The following AUTS2 variants were observed in gnomAD, a reference collection of about 807,000 sequenced individuals.
AUTS2 encodes activator of transcription and developmental regulator AUTS2, also known as autism susceptibility gene 2 protein.
AUTS2 carries 17 observed loss-of-function variants against 112.4 expected under a neutral mutation model. The observed-to-expected ratio is 0.15, with a 90% CI of 0.10 to 0.23. The LOEUF (loss-of-function observed/expected upper bound fraction) is 0.23. AUTS2 is among the 10% of genes least tolerant of loss of function. The pLI is 1.00. For synonymous variants in AUTS2, 751 were observed against 702.7 expected, an observed-to-expected ratio of 1.07 and a Z score of -1.09; for missense variants, 1,510 against 1,701.6, an observed-to-expected ratio of 0.89 and a Z score of 1.98.
chr7:70,753,564 G>C (rs188269166), intron 6 of AUTS2, among the ~76,000 whole-genome samples: 1 of 152,104 alleles, frequency 6.6e-6, no homozygotes, highest in South Asian at 2.1e-4. Flanking sequence ...CCTTCCATTC[G>C]TTCAAGTAAT....
chr7:70,679,596 C>A (rs188887052), intron 5 of AUTS2, among the ~76,000 whole-genome samples: 7 of 133,102 alleles, frequency 5.3e-5, no homozygotes, highest in East Asian at 6.4e-4. Context: ...GCCAAACTTT[C>A]ATGTTAAAAA....
intron 5 of AUTS2, among the ~76,000 whole-genome samples, chr7:70,610,620 A>G (rs1177232228): frequency 6.6e-6 from 1 of 151,636 alleles, no homozygotes; most frequent in Non-Finnish European, 1.5e-5. Flanking sequence ...TAATTTTTAT[A>G]TAGAGACCAG....
chr7:70,094,426 T>A (rs1804081730), intron 2 of AUTS2, among the ~76,000 whole-genome samples: 1 of 152,226 alleles, frequency 6.6e-6, no homozygotes, highest in African/African-American at 2.4e-5. Context: ...GGCTTTGGAT[T>A]GATTCTAAAG....
At chr7:69,769,930 C>G (rs1788590737) in intron 1 of AUTS2, among the ~76,000 whole-genome samples, 1 of 152,178 alleles carries the variant, frequency 6.6e-6, no homozygotes, top group Non-Finnish European at 1.5e-5. Flanking sequence ...GCAAGTGTTT[C>G]AGTATATATC....
At chr7:70,554,167 C>T (rs1481133637) in intron 5 of AUTS2, among the ~76,000 whole-genome samples, 1 of 149,298 alleles carries the variant, frequency 6.7e-6, no homozygotes, top group Non-Finnish European at 1.5e-5. Context: ...CTCCTGGGTT[C>T]AAGTGATTCT....
At chr7:69,792,304 A>G (rs976840700) in intron 1 of AUTS2, among the ~76,000 whole-genome samples, 2 of 151,666 alleles carry the variant, frequency 1.3e-5, no homozygotes, top group Non-Finnish European at 2.9e-5. Context: ...CAGTGGCGCA[A>G]TCTCTGCTCA....
intron 1 of AUTS2, among the ~76,000 whole-genome samples, chr7:69,625,900 G>C (rs1239341152): frequency 2.0e-5 from 3 of 152,044 alleles, no homozygotes; most frequent in Non-Finnish European, 2.9e-5. Flanking sequence ...GAAAGGGAAG[G>C]AGAAGAAAGA....
In AUTS2 at chr7:70,366,097, T is replaced by C. The variant is rs561173495; in HGVS notation, c.661-69655T>C. On this transcript the variant is annotated intron_variant, in intron 4 of 18. Transcript: ENST00000342771. Reference sequence around the variant, plus strand: ...AATGGTTTTCCAGTTGTATTTTATATGTTAAATCTCTAAAACCAAAGCTTA... The same window carrying C: ...AATGGTTTTCCAGTTGTATTTTATACGTTAAATCTCTAAAACCAAAGCTTA... 1.3e-3 allele frequency among the ~76,000 whole-genome samples: 201 copies of C among 152,316 alleles called. 2 individuals are homozygous for C. Among genetic ancestry groups the C allele is most frequent in the African/African-American group, 4.7e-3 (196 of 41,570 alleles).
intron 5 of AUTS2, among the ~76,000 whole-genome samples, chr7:70,456,810 T>C (rs1421641896): frequency 6.6e-6 from 1 of 152,134 alleles, no homozygotes; most frequent in Non-Finnish European, 1.5e-5. Context: ...ACCTTGGATG[T>C]TGATTTTTAA....
chr7:70,634,471 G>A (rs1189859177), intron 5 of AUTS2, among the ~76,000 whole-genome samples: 1 of 152,162 alleles, frequency 6.6e-6, no homozygotes. Context: ...GACCTTGCAT[G>A]CTTGAGGACA....
chr7:69,685,409 C>T (rs191956056), intron 1 of AUTS2, among the ~76,000 whole-genome samples: 214 of 152,342 alleles, frequency 1.4e-3, no homozygotes, highest in African/African-American at 5.0e-3. Context: ...TCTATTCCTT[C>T]CAGTTTGCCA....
chr7:70,209,470 C>A (rs1400386156), intron 4 of AUTS2, among the ~76,000 whole-genome samples: 1 of 152,086 alleles, frequency 6.6e-6, no homozygotes. Context: ...AATGTGAAAA[C>A]CATCAGCATA....
intron 4 of AUTS2, among the ~76,000 whole-genome samples, chr7:70,387,342 C>T (rs1158705801): frequency 2.0e-5 from 3 of 152,206 alleles, no homozygotes; most frequent in African/African-American, 7.2e-5. Context: ...ACCTGGAGCT[C>T]AGTTGACTAT....
chr7:70,626,692 T>C (rs1804969885), intron 5 of AUTS2, among the ~76,000 whole-genome samples: 1 of 152,122 alleles, frequency 6.6e-6, no homozygotes, highest in Admixed American at 6.5e-5. Flanking sequence ...TAGACCCCAA[T>C]GTCTATTGTT....
At chr7:70,701,051 G>A (rs970320816) in intron 6 of AUTS2, among the ~76,000 whole-genome samples, 2 of 152,234 alleles carry the variant, frequency 1.3e-5, no homozygotes, top group African/African-American at 4.8e-5. Context: ...GAGCTGACAC[G>A]TGTATCCCTC....
intron 1 of AUTS2, among the ~76,000 whole-genome samples, chr7:69,769,218 G>A (rs1584218068): frequency 6.6e-6 from 1 of 152,202 alleles, no homozygotes; most frequent in East Asian, 1.9e-4. Flanking sequence ...TATTAAATAT[G>A]TCAGACTTGA....
chr7:70,589,606 C>T (rs1488586818), intron 5 of AUTS2, among the ~76,000 whole-genome samples: 1 of 152,142 alleles, frequency 6.6e-6, no homozygotes, highest in Non-Finnish European at 1.5e-5. Context: ...CCCAGCTACT[C>T]AGAAGGCTGA....
intron 4 of AUTS2, among the ~76,000 whole-genome samples, chr7:70,156,206 G>A (rs1468606633): frequency 2.0e-5 from 3 of 152,114 alleles, no homozygotes; most frequent in African/African-American, 7.2e-5. Flanking sequence ...ACTTCTCTCT[G>A]TTGACATAGA....
intron 2 of AUTS2, among the ~76,000 whole-genome samples, chr7:69,910,476 A>T (rs762265578): frequency 5.9e-5 from 9 of 152,140 alleles, no homozygotes; most frequent in Non-Finnish European, 1.2e-4. Flanking sequence ...GGCAATTTAT[A>T]AAAAAAGAGG....
Sources: allele counts gnomAD v4.1 joint callset (sites outside exome capture counted in the v4.1 genomes callset), GRCh38; gene constraint gnomAD v4.1.1; transcripts MANE v1.5; gene names NCBI Gene and HGNC (gene_info 2026-07-23, HGNC 2026-07-21).